Variants in POLR3A observed in about 807,000 individuals in gnomAD.
POLR3A encodes the protein DNA-directed RNA polymerase III subunit RPC1.
In POLR3A, 112 loss-of-function variants were observed where a neutral mutation model predicts 152.8. That is an observed-to-expected ratio of 0.73 (90% confidence interval 0.63 to 0.86). The LOEUF (loss-of-function observed/expected upper bound fraction) is 0.86. Among genes scored for constraint, POLR3A ranks in the 40% least tolerant of loss-of-function variants. The pLI is 0.00. For missense variants in POLR3A, 1,385 were observed against 1,743.1 expected (o/e 0.79, Z 3.66); for synonymous variants, 615 against 652.1 (o/e 0.94, Z 0.87).
chr10:77,990,746 T>C (rs1246346838), intron 21 of POLR3A, among the ~76,000 whole-genome samples: 1 of 151,854 alleles, frequency 6.6e-6, no homozygotes, highest in Admixed American at 6.6e-5. Flanking sequence ...CCTCCCGAGC[T>C]GGGATTACAG....
intron 1 of POLR3A, 149 bp downstream of exon 1, chr10:78,029,215 T>G: frequency 2.5e-6 from 2 of 801,386 alleles, no homozygotes; most frequent in Non-Finnish European, 4.3e-6. Context: ...TGACCAACGC[T>G]GGTAGTTCTG....
chr10:77,983,603 C>A (rs149342520), intron 26 of POLR3A, among the ~76,000 whole-genome samples: 3 of 152,164 alleles, frequency 2.0e-5, no homozygotes, highest in African/African-American at 7.2e-5. Context: ...TAAGACACAG[C>A]CAGCCCTAGG....
At chr10:78,002,357 T>A in intron 16 of POLR3A, 49 bp from the exon 17 acceptor site, 1 of 1,158,662 alleles carries the variant, frequency 8.6e-7, no homozygotes, top group Non-Finnish European at 1.3e-6. Flanking sequence ...ATTGTCTCTG[T>A]GGATTACAAA....
chr10:78,006,949 T>C (rs1405098626), intron 15 of POLR3A, among the ~76,000 whole-genome samples: 2 of 152,068 alleles, frequency 1.3e-5, no homozygotes, highest in African/African-American at 2.4e-5. Context: ...TGAGACTTCA[T>C]TTCTACAAAA....
At chr10:77,994,702 G>A (rs1487717207) in intron 19 of POLR3A, among the ~76,000 whole-genome samples, 1 of 152,186 alleles carries the variant, frequency 6.6e-6, no homozygotes, top group Non-Finnish European at 1.5e-5. Context: ...ACCTGAAAGT[G>A]ACGGGGAGAA....
Position 77,981,562 on chromosome 10 carries a change from A to G in POLR3A, c.3760-3T>C, listed in dbSNP as rs1373359238. 6.2e-7 allele frequency: 1 copy of G among 1,613,812 alleles called. No homozygotes were observed. The highest frequency in any genetic ancestry group is 1.3e-5 in the African/African-American group (1 of 74,878). Reference sequence around the variant, plus strand: ...TCGATGCCCAGAGTTTTCTCCACCTACAGAGAGCCAGTAATGAGCAGAAGC... The same window carrying G: ...TCGATGCCCAGAGTTTTCTCCACCTGCAGAGAGCCAGTAATGAGCAGAAGC... On this transcript the variant is annotated splice_region_variant and splice_polypyrimidine_tract_variant and intron_variant, in intron 28 of 30. Transcript: ENST00000372371.
chr10:78,011,768 C>T (rs897165004), intron 11 of POLR3A, among the ~76,000 whole-genome samples: 38 of 152,314 alleles, frequency 2.5e-4, no homozygotes, highest in Admixed American at 1.8e-3. Flanking sequence ...GAGCCCTATG[C>T]ACTACACGGA....
intron 18 of POLR3A, among the ~76,000 whole-genome samples, chr10:78,000,407 T>C (rs913551766): frequency 4.6e-5 from 7 of 152,148 alleles, no homozygotes; most frequent in Non-Finnish European, 8.8e-5. Context: ...AGGCAAGCAG[T>C]CAAGGACCTC....
intron 1 of POLR3A, among the ~76,000 whole-genome samples, chr10:78,028,988 G>A (rs542168959): frequency 1.3e-5 from 2 of 152,234 alleles, no homozygotes; most frequent in African/African-American, 4.8e-5. Flanking sequence ...ACGCTCTGCG[G>A]CTGACAGAAT....
chr10:77,986,405 C>T (rs1379955806), intron 21 of POLR3A, among the ~76,000 whole-genome samples: 1 of 152,152 alleles, frequency 6.6e-6, no homozygotes, highest in Non-Finnish European at 1.5e-5. Flanking sequence ...CCTTCTCCTC[C>T]AACTGCTCTC....
At chr10:78,022,938 AC>A (rs1381212168) in intron 5 of POLR3A, among the ~76,000 whole-genome samples, 1 of 152,178 alleles carries the variant, frequency 6.6e-6, no homozygotes, top group Non-Finnish European at 1.5e-5. Flanking sequence ...TAGGTAGATT[AC>A]CTGAGGTCAG....
intron 20 of POLR3A, among the ~76,000 whole-genome samples, chr10:77,992,881 C>CT (rs1847262994): frequency 6.7e-6 from 1 of 150,002 alleles, no homozygotes. Flanking sequence ...AAAAGCAAAA[C>CT]TTTTTTCTTT....
chr10:78,013,983 C>T (rs982286803), intron 10 of POLR3A, among the ~76,000 whole-genome samples, 193 bp from the exon 11 acceptor site: 5 of 152,080 alleles, frequency 3.3e-5, no homozygotes, highest in South Asian at 4.1e-4. Flanking sequence ...ATGGTGAAAC[C>T]CCATCTCTAC....
In POLR3A at chr10:78,009,529, C is replaced by G; in HGVS notation, c.1909+8G>C. On this transcript the variant is annotated splice_region_variant and intron_variant, in intron 14 of 30. Transcript: ENST00000372371. ...CTCCTTCTCCCCACCCGAGTTCCGT[C>G]CACTCACAGGAATCATTGGCACAGA... 1 of 1,614,206 alleles carries G rather than the reference C, an allele frequency of 6.2e-7. No individual in the cohort carries two copies. Among genetic ancestry groups the G allele is most frequent in the Non-Finnish European group, 8.5e-7 (1 of 1,180,042 alleles).
chr10:78,009,642 T>G lies in POLR3A; in HGVS notation c.1804A>C (p.Ser602Arg), dbSNP rs762708292. Residue 602 changes from serine (S) to arginine (R), a missense_variant, in exon 14 of 31, where the codon AGT becomes CGT. Ser to Arg is a moderately radical substitution (Grantham distance 110, BLOSUM62 -1). Transcript: ENST00000372371. The part of the protein sequence containing the change: ...VTLWTGKQIF[S>R]VILRPSDDNP... ...TCATCGCTAGGCCTGAGGATGACAC[T>G]GAAGATCTGCTTTCCCGTCCACAGG... 4.3e-6 allele frequency: 7 copies of G among 1,614,180 alleles called. No individual in the cohort carries two copies. Among genetic ancestry groups the G allele is most frequent in the Non-Finnish European group, 5.9e-6 (7 of 1,180,044 alleles).
rs1193666611 is a variant in POLR3A, at chr10:78,025,019, C to A, written c.442G>T (p.Asp148Tyr). ...QKRGLKKKISDKCRKKNICHH... is the reference protein window; with the variant it reads ...QKRGLKKKISYKCRKKNICHH... ...CAGATGTTTTTCTTCCGGCACTTGT[C>A]AGAGATTTTCTTTTTCAGTCCTCGC... Residue 148 changes from aspartate (D) to tyrosine (Y), a missense_variant, in exon 4 of 31, where the codon GAC (aspartate) becomes TAC (tyrosine). Transcript: ENST00000372371. 1.2e-6 allele frequency: 2 copies of A among 1,614,038 alleles called. No homozygotes were observed. Among genetic ancestry groups the A allele is most frequent in the Non-Finnish European group, 1.7e-6 (2 of 1,180,054 alleles).
In POLR3A at chr10:77,986,699, C is replaced by T. The variant is rs1589304784; in HGVS notation, c.2902-540G>A. Among the ~76,000 whole-genome samples, 4 of 152,192 alleles carry T rather than the reference C, an allele frequency of 2.6e-5. No homozygotes were observed. In the East Asian group the frequency reaches 7.7e-4, roughly 29 times the overall value. On this transcript the variant is annotated intron_variant, in intron 21 of 30. Transcript: ENST00000372371. The stretch of plus-strand genomic sequence containing the variant: ...CCCCAAACCCAGCTTATCTTTTCCC[C>T]TCTGGTAACCACCTCTCCCCACAGG...
chr10:78,017,858 T>G, intron 9 of POLR3A, 142 bp from the exon 10 acceptor site: 1 of 1,015,514 alleles, frequency 9.8e-7, no homozygotes, highest in Non-Finnish European at 1.5e-6. Flanking sequence ...TAGTTTTATG[T>G]GCCAAGAAAA....
intron 5 of POLR3A, among the ~76,000 whole-genome samples, chr10:78,023,137 A>T (rs1404284748): frequency 6.6e-6 from 1 of 150,434 alleles, no homozygotes; most frequent in African/African-American, 2.5e-5. Flanking sequence ...CAGCCTAAGC[A>T]GTAAGAGTGA....
Sources: gnomAD v4.1 joint callset for allele counts (sites outside exome capture counted in the v4.1 genomes callset) on GRCh38, gnomAD v4.1.1 for gene constraint, MANE v1.5 for transcripts, NCBI Gene and HGNC (gene_info 2026-07-23, HGNC 2026-07-21) for gene names.